Variants in STK32C observed in about 807,000 individuals in gnomAD.
STK32C encodes the protein serine/threonine kinase 32C.
STK32C carries 31 observed loss-of-function variants against 56.5 expected under a neutral mutation model. That is an observed-to-expected ratio of 0.55 (90% CI 0.41 to 0.74). The LOEUF (loss-of-function observed/expected upper bound fraction) is 0.74. Ranked by LOEUF, STK32C falls within the 30% of genes least tolerant of loss-of-function variation. The probability of loss-of-function intolerance (pLI) is 0.00; values close to 1 mark genes in which losing one functional copy is unlikely to be tolerated. For missense variants in STK32C, 544 were observed against 676.9 expected, an observed-to-expected ratio of 0.80 and a Z score of 2.18; for synonymous variants, 309 against 289.4, an observed-to-expected ratio of 1.07 and a Z score of -0.69.
In STK32C at chr10:132,209,121, C is replaced by T. The variant is rs180720017; in HGVS notation, c.1252-20G>A. 1.4e-4 allele frequency: 231 copies of T among 1,611,266 alleles called. No individual in the cohort carries two copies. The African/African-American group carries it at 2.4e-3, about 17-fold the overall frequency. On this transcript the variant is annotated intron_variant, in intron 10 of 11. Coordinates refer to ENST00000298630, the MANE Select transcript of STK32C (RefSeq NM_173575.4). ...ATTCTCCTGTGGATGGAAAGGCACA[C>T]GTGAGCGTGGGGGACGCTGTCCAGG...
intron 1 of STK32C, among the ~76,000 whole-genome samples, chr10:132,258,567 G>A (rs554898901): frequency 1.3e-5 from 2 of 152,360 alleles, no homozygotes; most frequent in African/African-American, 4.8e-5. Context: ...GGGTGGCTGG[G>A]CCAGCGCGCA....
chr10:132,281,390 G>A (rs1051723736), intron 1 of STK32C, among the ~76,000 whole-genome samples: 13 of 152,076 alleles, frequency 8.5e-5, no homozygotes, highest in Admixed American at 3.3e-4. Context: ...ACAAAAGCCT[G>A]TTAAATACAA....
intron 2 of STK32C, among the ~76,000 whole-genome samples, chr10:132,231,597 A>C (rs1239171647): frequency 6.6e-6 from 1 of 152,234 alleles, no homozygotes; most frequent in Non-Finnish European, 1.5e-5. Context: ...AGACACAGCC[A>C]CCAGGAGCCT....
downstream of STK32C, among the ~76,000 whole-genome samples, chr10:132,323,246 T>G (rs980603888): frequency 6.6e-6 from 1 of 152,214 alleles, no homozygotes; most frequent in African/African-American, 2.4e-5. The surrounding 1 kb of genome is among the most constrained non-coding windows in gnomAD (Gnocchi z 4.8). Flanking sequence ...CAGTGCATTC[T>G]GGGTCCAAAA....
intron 2 of STK32C, among the ~76,000 whole-genome samples, chr10:132,236,941 C>T (rs1381550285): frequency 6.6e-6 from 1 of 152,170 alleles, no homozygotes; most frequent in African/African-American, 2.4e-5. Context: ...GCCACGCGCC[C>T]GCCAAGGTCT....
At position 132,224,422 on chromosome 10, in the gene STK32C, C is replaced by T. The variant is rs150696583; in HGVS notation, c.978G>A (p.Val326=). The change falls in exon 8 of 12, where the codon GTG becomes GTA. Residue 326 remains valine (V), a synonymous_variant. Transcript: ENST00000298630. ...GGGGGCTCACCTTCCGCAGCAAGGCCACCATCTCCTTGGACCACGTGGGGA... is the reference window on the plus strand; with the variant it reads ...GGGGGCTCACCTTCCGCAGCAAGGCTACCATCTCCTTGGACCACGTGGGGA... The part of the protein sequence containing the change: ...QYVPTWSKEM[V]ALLRKLLTVN... 55 of 1,553,032 alleles carry T rather than the reference C, an allele frequency of 3.5e-5. No individual in the cohort carries two copies. The highest frequency in any genetic ancestry group is 4.7e-5 in the Non-Finnish European group (54 of 1,148,098).
At chr10:132,265,085 T>G (rs1448704251) in intron 1 of STK32C, among the ~76,000 whole-genome samples, 1 of 127,618 alleles carries the variant, frequency 7.8e-6, no homozygotes, top group African/African-American at 2.8e-5. Flanking sequence ...AGGTGGGCTC[T>G]GGGGGTGCCT....
At chr10:132,225,691 G>A in intron 5 of STK32C, 56 bp downstream of exon 5, 1 of 1,611,930 alleles carries the variant, frequency 6.2e-7, no homozygotes, top group Non-Finnish European at 8.5e-7. Context: ...CTCCTCCCCT[G>A]ACAGGCCCAT....
At chr10:132,281,050 C>G (rs2065187027) in intron 1 of STK32C, among the ~76,000 whole-genome samples, 1 of 151,470 alleles carries the variant, frequency 6.6e-6, no homozygotes. Flanking sequence ...GTGATCACAC[C>G]CCTGCACTCT....
chr10:132,328,229 A>G (rs1425817324), intron 1 of STK32C, among the ~76,000 whole-genome samples: 1 of 152,104 alleles, frequency 6.6e-6, no homozygotes, highest in Non-Finnish European at 1.5e-5. Flanking sequence ...GCTTTGGGAC[A>G]TGAGGAGTGC....
chr10:132,275,304 G>A lies in STK32C; in HGVS notation c.263-29349C>T, dbSNP rs371745252. On this transcript the variant is annotated intron_variant, in intron 1 of 11. Transcript: ENST00000298630. ...GGTGGGGGTGGGTGCTGGGACCCCCGGGGAAGATGGTGAGTCAGCAACAGT... is the reference window on the plus strand; with the variant it reads ...GGTGGGGGTGGGTGCTGGGACCCCCAGGGAAGATGGTGAGTCAGCAACAGT... Among the ~76,000 whole-genome samples, 186 of 152,294 alleles carry A rather than the reference G, an allele frequency of 1.2e-3. 1 individual carries two copies. The South Asian group carries it at 0.023, about 19-fold the overall frequency.
chr10:132,330,186 GC>G (rs1019463636), intron 1 of STK32C: 1 of 472,768 alleles, frequency 2.1e-6, no homozygotes, highest in Non-Finnish European at 3.9e-6. Flanking sequence ...GGCAAAACAT[GC>G]TCGTACATAC....
chr10:132,303,657 T>TTCA (rs2065974982), intron 1 of STK32C, among the ~76,000 whole-genome samples: 1 of 152,210 alleles, frequency 6.6e-6, no homozygotes, highest in Non-Finnish European at 1.5e-5. Flanking sequence ...TAGAGCTGAA[T>TTCA]GCTCTAAACA....
rs371382598 is a variant in STK32C, at chr10:132,252,837, G to A, written c.263-6882C>T. Among the ~76,000 whole-genome samples, 8 of 152,246 alleles carry A rather than the reference G, an allele frequency of 5.3e-5. No individual in the cohort carries two copies. In the East Asian group the frequency reaches 1.5e-3, roughly 29 times the overall value. ...ACTGAGAGCAGGTCCTATGAGAGTCGCCATCTGAATCCCGCTAAGTGACCC... is the reference window on the plus strand; with the variant it reads ...ACTGAGAGCAGGTCCTATGAGAGTCACCATCTGAATCCCGCTAAGTGACCC... On this transcript the variant is annotated intron_variant, in intron 1 of 11. Coordinates refer to ENST00000298630, the MANE Select transcript of STK32C (RefSeq NM_173575.4).
At chr10:132,297,173 C>A (rs1389202730) in intron 1 of STK32C, among the ~76,000 whole-genome samples, 1 of 152,192 alleles carries the variant, frequency 6.6e-6, no homozygotes, top group East Asian at 1.9e-4. Flanking sequence ...GGGGAAGGGG[C>A]ACCAGGACCC....
Position 132,225,567 on chromosome 10 carries a change from C to T in STK32C, c.732G>A (p.Gly244=). ...TGCCTGCTAATGCCGTCGCCCGCTC[C>T]CCGTCCTTGATGATGGTGGCAATGT... is the stretch of plus-strand genomic sequence containing the variant. ...DFNIATIIKD[G]ERATALAGTK... Residue 244 remains glycine, a synonymous_variant, in exon 6 of 12, where the codon GGG becomes GGA. Transcript: ENST00000298630. The T allele has an allele frequency of 2.5e-6, 4 of 1,613,870 alleles. No homozygotes were observed. The highest frequency in any genetic ancestry group is 3.4e-6 in the Non-Finnish European group (4 of 1,179,980).
downstream of STK32C, among the ~76,000 whole-genome samples, chr10:132,320,874 C>T (rs879604455): frequency 3.3e-5 from 5 of 152,316 alleles, no homozygotes; most frequent in South Asian, 4.1e-4. Flanking sequence ...ACAGTCCTGG[C>T]GCATCTGGGT....
chr10:132,222,677 G>A lies in STK32C; in HGVS notation c.1215C>T (p.Asn405=). The change falls in exon 10 of 12, where the codon AAC becomes AAT. Residue 405 remains asparagine (N), a synonymous_variant. Coordinates refer to ENST00000298630, the MANE Select transcript of STK32C (RefSeq NM_173575.4). ...LHKKKKRLAK[N]KSRDNSRDSS... is the part of the protein sequence containing the mutation. ...TGTCCCTGCTGTTGTCCCGGGACTTGTTCTTGGCCAGACGCTTCTTCTTCT... is the reference window on the plus strand; with the variant it reads ...TGTCCCTGCTGTTGTCCCGGGACTTATTCTTGGCCAGACGCTTCTTCTTCT... The A allele has an allele frequency of 6.2e-7, 1 of 1,613,326 alleles. No individual in the cohort carries two copies. The highest frequency in any genetic ancestry group is 8.5e-7 in the Non-Finnish European group (1 of 1,179,948).
intron 1 of STK32C, among the ~76,000 whole-genome samples, chr10:132,305,503 C>T (rs999628905): frequency 5.9e-5 from 9 of 152,308 alleles, no homozygotes; most frequent in African/African-American, 1.7e-4. Context: ...TCAGTAAACT[C>T]GAGACACCAA....
Sources: gnomAD v4.1 joint callset for allele counts (sites outside exome capture counted in the v4.1 genomes callset) on GRCh38, gnomAD v4.1.1 for gene constraint, Gnocchi (gnomAD v3.1) non-coding constraint, MANE v1.5 for transcripts, NCBI Gene and HGNC (gene_info 2026-07-23, HGNC 2026-07-21) for gene names.